Variants in CERS5 observed in about 807,000 individuals in gnomAD.
CERS5 encodes the protein LAG1 homolog, ceramide synthase 5.
In CERS5, 37 loss-of-function variants were observed where a neutral mutation model predicts 58.9. That is an observed-to-expected ratio of 0.63 (90% CI 0.48 to 0.83). CERS5 has a LOEUF of 0.83. Among genes scored for constraint, CERS5 ranks in the 40% least tolerant of loss-of-function variants. CERS5 has a pLI of 0.00. For synonymous variants in CERS5, 147 were observed against 177.8 expected (o/e 0.83, Z 1.38); for missense variants, 398 against 489.3 (o/e 0.81, Z 1.76).
chr12:50,156,683 A>G (rs979150422), intron 1 of CERS5, among the ~76,000 whole-genome samples: 1 of 152,148 alleles, frequency 6.6e-6, no homozygotes, highest in Non-Finnish European at 1.5e-5. Context: ...GGGGTCTTCA[A>G]TAATTTTTTA....
In CERS5 at chr12:50,167,363, C is replaced by CG. The variant is rs2138336973; in HGVS notation, c.-67dup. ...CTGCCGCCACAGCCAACGGAACCCGCGGGGAGGCGGCCCCAGGGCGGGGCC... is the reference window on the plus strand; with the variant it reads ...CTGCCGCCACAGCCAACGGAACCCGCGGGGGAGGCGGCCCCAGGGCGGGGCC... On this transcript the variant is annotated 5_prime_UTR_variant, in exon 1 of 10. Transcript: ENST00000317551. 2 of 1,437,012 alleles carry CG rather than the reference C, an allele frequency of 1.4e-6. No individual in the cohort carries two copies. The highest frequency in any genetic ancestry group is 2.9e-5 in the Admixed American group (1 of 34,178). 89.0% of individuals were successfully genotyped at this position (1,437,012 alleles called of 1,614,324 possible).
At chr12:50,134,739 A>G (rs766813793) in intron 8 of CERS5, 37 bp from the exon 9 acceptor site, 126 of 1,586,070 alleles carry the variant, frequency 7.9e-5, no homozygotes, top group Non-Finnish European at 1.1e-4. Flanking sequence ...TTCTAGAGTC[A>G]AAGCTCAGCA....
chr12:50,160,728 T>C (rs1939189469), intron 1 of CERS5, among the ~76,000 whole-genome samples: 1 of 152,238 alleles, frequency 6.6e-6, no homozygotes, highest in Non-Finnish European at 1.5e-5. Context: ...CAATTTTATC[T>C]TTAAGATTCA....
At position 50,135,813 on chromosome 12, in the gene CERS5, T is replaced by C. The variant is rs1267472470; in HGVS notation, c.791A>G (p.Lys264Arg). 9.3e-6 allele frequency: 15 copies of C among 1,613,920 alleles called. No individual in the cohort carries two copies. The highest frequency in any genetic ancestry group is 1.3e-5 in the Non-Finnish European group (15 of 1,180,008). Reference sequence around the variant, plus strand: ...AAGGGTGTCACAGAGCCGCTGATACTTGGCATAATTGGCCAGTTTGGCTGC... The same window carrying C: ...AAGGGTGTCACAGAGCCGCTGATACCTGGCATAATTGGCCAGTTTGGCTGC... ...LEAAKLANYA[K>R]YQRLCDTLFV... is the part of the protein sequence containing the mutation. The change falls in exon 8 of 10, where the codon AAG becomes AGG. Residue 264 changes from lysine (K) to arginine (R), a missense_variant. Lys to Arg is a conservative substitution (Grantham distance 26). Transcript: ENST00000317551.
At chr12:50,154,862 C>G (rs1938387452) in intron 1 of CERS5, among the ~76,000 whole-genome samples, 1 of 151,858 alleles carries the variant, frequency 6.6e-6, no homozygotes, top group Admixed American at 6.6e-5. Context: ...ATAAGCATTT[C>G]TTAAATTTCT....
intron 1 of CERS5, among the ~76,000 whole-genome samples, chr12:50,159,611 TG>T (rs1034679355): frequency 1.3e-4 from 20 of 152,186 alleles, no homozygotes; most frequent in African/African-American, 4.8e-4. Flanking sequence ...TTTTCTTTTT[TG>T]AGACAGGGTC....
intron 1 of CERS5, 105 bp downstream of exon 1, chr12:50,166,996 T>A: frequency 1.0e-6 from 1 of 969,644 alleles, no homozygotes; most frequent in South Asian, 1.7e-5. Flanking sequence ...CAGCCCCTGC[T>A]TCCGGGCTTT....
chr12:50,160,183 T>C (rs1034568505), intron 1 of CERS5, among the ~76,000 whole-genome samples: 1 of 151,386 alleles, frequency 6.6e-6, no homozygotes, highest in Non-Finnish European at 1.5e-5. Context: ...TACACACCTG[T>C]AGTCCTAGCT....
intron 6 of CERS5, 44 bp downstream of exon 6, chr12:50,137,684 G>A (rs1357367534): frequency 4.8e-6 from 5 of 1,041,892 alleles, no homozygotes; most frequent in South Asian, 1.3e-5. Flanking sequence ...TGCTAGAAAG[G>A]AGGATGTAAT....
intron 1 of CERS5, among the ~76,000 whole-genome samples, chr12:50,155,428 C>T (rs1025499531): frequency 1.3e-5 from 2 of 151,698 alleles, no homozygotes; most frequent in Non-Finnish European, 2.9e-5. Context: ...TTTGCAGCTT[C>T]CTTTGAGGGC....
At chr12:50,144,655 T>G in intron 1 of CERS5, 1 of 539,894 alleles carries the variant, frequency 1.9e-6, no homozygotes. Context: ...CTTTCAGGAG[T>G]CGAGAAGAAA....
chr12:50,133,047 C>G (rs1370656237), intron 9 of CERS5: 1 of 1,288,992 alleles, frequency 7.8e-7, no homozygotes, highest in Non-Finnish European at 1.0e-6. Context: ...AGGGTCTAAT[C>G]CTTCCTGGAC....
At chr12:50,136,247 C>T (rs1017597529) in intron 6 of CERS5, among the ~76,000 whole-genome samples, 178 bp from the exon 7 acceptor site, 2 of 151,982 alleles carry the variant, frequency 1.3e-5, no homozygotes, top group South Asian at 2.1e-4. Flanking sequence ...GCAAGGTGGT[C>T]GGATCACCTG....
In CERS5 at chr12:50,143,085, G is replaced by A. The variant is rs748381694; in HGVS notation, c.423C>T (p.Phe141=). ...CCTTGCGTACTTACATGCTTTCACA[G>A]AATTTAGTAAGCGTTGGGGGCTTGT... ...NQDKPPTLTK[F]CESMWRFTFY... The change falls in exon 3 of 10, where the codon TTC becomes TTT. Residue 141 remains phenylalanine, a synonymous_variant. Coordinates refer to ENST00000317551, the MANE Select transcript of CERS5 (RefSeq NM_147190.5). 3 of 1,607,642 alleles carry A rather than the reference G, an allele frequency of 1.9e-6. No individual in the cohort carries two copies. In the Admixed American group the frequency reaches 5.1e-5, roughly 27 times the overall value.
Position 50,135,738 on chromosome 12 carries a change from G to A in CERS5, c.866C>T (p.Pro289Leu), listed in dbSNP as rs1330661525. 6.2e-7 allele frequency: 1 copy of A among 1,607,524 alleles called. No homozygotes were observed. The highest frequency in any genetic ancestry group is 8.5e-7 in the Non-Finnish European group (1 of 1,174,008). Residue 289 changes from proline to leucine, a missense_variant, in exon 8 of 10, where the codon CCA (proline) becomes CTA (leucine). Pro to Leu is a moderately conservative substitution (Grantham distance 98). Coordinates refer to ENST00000317551, the MANE Select transcript of CERS5 (RefSeq NM_147190.5). ...CTACAGCCCTACCACTTACCAGAAT[G>A]GATAGATTCCTAGTCGTGTAACCAT... ...VFMVTRLGIY[P>L]FWILNTTLFE... is the part of the protein sequence containing the mutation.
Position 50,130,302 on chromosome 12 carries a change from CACAAACGCACATCA to C in CERS5, c.*229_*242del. On this transcript the variant is annotated 3_prime_UTR_variant, in exon 10 of 10. Coordinates refer to ENST00000317551, the MANE Select transcript of CERS5 (RefSeq NM_147190.5). Reference sequence around the variant, plus strand: ...CCCGGCAATGAAACTCACGCATATGCACAAACGCACATCAACAAACACACAAAAACACACAGAGC... The same window carrying C: ...CCCGGCAATGAAACTCACGCATATGCACAAACACACAAAAACACACAGAGC... 1 of 370,902 alleles carries C rather than the reference CACAAACGCACATCA, an allele frequency of 2.7e-6. No individual in the cohort carries two copies. Among genetic ancestry groups the C allele is most frequent in the Non-Finnish European group, 4.8e-6 (1 of 206,598 alleles). The allele number at this position is 370,902 out of a possible 1,614,324, so 23.0% of individuals were successfully genotyped here.
chr12:50,140,948 C>T (rs1177813905), intron 4 of CERS5, among the ~76,000 whole-genome samples: 1 of 151,336 alleles, frequency 6.6e-6, no homozygotes, highest in African/African-American at 2.4e-5. Flanking sequence ...GTTCTGCCAG[C>T]TTTTTGTCTA....
At chr12:50,135,617 C>T in intron 8 of CERS5, 115 bp downstream of exon 8, 1 of 843,524 alleles carries the variant, frequency 1.2e-6, no homozygotes, top group African/African-American at 1.7e-5. Flanking sequence ...TTCTTGTGTT[C>T]TATTGGCGAA....
chr12:50,136,064 G>A lies in CERS5; in HGVS notation c.642C>T (p.Phe214=). 2 of 1,487,556 alleles carry A rather than the reference G, an allele frequency of 1.3e-6. No individual in the cohort carries two copies. Among genetic ancestry groups the A allele is most frequent in the African/African-American group, 1.4e-5 (1 of 70,870 alleles). 92.1% of individuals were successfully genotyped at this position (1,487,556 alleles called of 1,614,324 possible). The part of the protein sequence containing the change: ...SQFTDIKRKD[F]LIMFVHHLVT... ...CCAAGTGATGCACAAACATGATCAG[G>A]AAGTCCTAGGAAGGAATGGAAATAG... The change falls in exon 7 of 10, where the codon TTC becomes TTT. Residue 214 remains phenylalanine, a synonymous_variant. Coordinates refer to ENST00000317551, the MANE Select transcript of CERS5 (RefSeq NM_147190.5).
Sources: allele counts gnomAD v4.1 joint callset (sites outside exome capture counted in the v4.1 genomes callset), GRCh38; gene constraint gnomAD v4.1.1; transcripts MANE v1.5; gene names NCBI Gene and HGNC (gene_info 2026-07-23, HGNC 2026-07-21).